The following SHANK2 variants were observed in gnomAD, a reference collection of about 807,000 sequenced individuals.
SHANK2 encodes SH3 and multiple ankyrin repeat domains protein 2.
Under a neutral mutation model 133.7 loss-of-function variants are expected in SHANK2, and 43 were observed. The ratio of observed to expected loss-of-function variants is 0.32; its 90% CI spans 0.25 to 0.41. The LOEUF (loss-of-function observed/expected upper bound fraction) is 0.41, where lower values mean the gene tolerates loss of function less well. Ranked by LOEUF, SHANK2 falls within the 10% of genes least tolerant of loss-of-function variation. The pLI, the probability that SHANK2 is intolerant of heterozygous loss-of-function variation, is 1.00. For synonymous variants in SHANK2, 1,017 were observed against 952.8 expected (o/e 1.07, Z -1.24); for missense variants, 1,994 against 2,235.8 (o/e 0.89, Z 2.18).
At chr11:70,693,410 C>A (rs891759345) in intron 15 of SHANK2, among the ~76,000 whole-genome samples, 1 of 152,184 alleles carries the variant, frequency 6.6e-6, no homozygotes. Context: ...TCTGCACTTG[C>A]TGAACCTTCT....
At chr11:71,153,507 T>C (rs1952842425) in intron 2 of SHANK2, among the ~76,000 whole-genome samples, 1 of 152,202 alleles carries the variant, frequency 6.6e-6, no homozygotes, top group Admixed American at 6.5e-5. Flanking sequence ...CCAGTACCTC[T>C]GATGAAAAGG....
chr11:70,572,107 G>A (rs781805997), intron 17 of SHANK2, among the ~76,000 whole-genome samples: 64 of 152,206 alleles, frequency 4.2e-4, no homozygotes, highest in Admixed American at 2.3e-3. Context: ...GCCAGAATCC[G>A]GCCCTGCCGG....
At chr11:70,656,724 T>C (rs2061410152) in intron 17 of SHANK2, among the ~76,000 whole-genome samples, 1 of 152,166 alleles carries the variant, frequency 6.6e-6, no homozygotes, top group South Asian at 2.1e-4. Context: ...GAACCTTTTA[T>C]TACCACACAG....
chr11:71,079,519 G>A (rs1951264144), intron 8 of SHANK2, among the ~76,000 whole-genome samples: 1 of 152,220 alleles, frequency 6.6e-6, no homozygotes, highest in East Asian at 1.9e-4. Context: ...CCAGCACTTT[G>A]GGAGGCCGAG....
Position 70,767,550 on chromosome 11 carries a change from C to T in SHANK2, c.1777+30893G>A, listed in dbSNP as rs566854039. ...GAAAAGGAGCGACGTACCACCACAA[C>T]GCCACAATGTGGACGAGCCTTGAGA... On this transcript the variant is annotated intron_variant, in intron 14 of 25. Transcript: ENST00000601538. Among the ~76,000 whole-genome samples the T allele has an allele frequency of 1.6e-4, 24 of 152,212 alleles. No individual in the cohort carries two copies. The South Asian group carries it at 4.6e-3, about 29-fold the overall frequency.
intron 2 of SHANK2, among the ~76,000 whole-genome samples, chr11:71,167,792 G>C (rs1476590971): frequency 1.4e-5 from 2 of 144,620 alleles, no homozygotes; most frequent in Non-Finnish European, 3.0e-5. Context: ...GGCCGGGCGG[G>C]GGGCTGATCC....
chr11:70,617,301 G>C (rs1050844750), intron 17 of SHANK2, among the ~76,000 whole-genome samples: 15 of 143,714 alleles, frequency 1.0e-4, no homozygotes, highest in Admixed American at 2.1e-4. Context: ...GTGCCTGAGA[G>C]AGTATGTGTG....
chr11:70,938,657 T>C (rs545173011), intron 10 of SHANK2, among the ~76,000 whole-genome samples: 10 of 152,096 alleles, frequency 6.6e-5, no homozygotes, highest in Non-Finnish European at 1.3e-4. Context: ...GAGGAGATGA[T>C]AAAGAGCCCA....
At chr11:71,208,475 A>G (rs1555118367) in intron 2 of SHANK2, among the ~76,000 whole-genome samples, 1 of 152,098 alleles carries the variant, frequency 6.6e-6, no homozygotes, top group African/African-American at 2.4e-5. Context: ...TCCAGGGGAC[A>G]TTACGTTGCC....
At chr11:70,597,605 G>T (rs909216651) in intron 17 of SHANK2, among the ~76,000 whole-genome samples, 4 of 152,186 alleles carry the variant, frequency 2.6e-5, no homozygotes, top group Non-Finnish European at 5.9e-5. Context: ...GGGTGCAGTG[G>T]CTCACGCCTG....
rs1005759371 is a variant in SHANK2, at chr11:70,862,937, G to A, written c.1174+33564C>T. 2.2e-5 allele frequency: 6 copies of A among 272,300 alleles called. No homozygotes were observed. The East Asian group carries it at 5.6e-4, about 25-fold the overall frequency. 16.9% of individuals were successfully genotyped at this position (272,300 alleles called of 1,614,324 possible). ...CTGAAGTGCCCGTCTTGGGGCTCTT[G>A]GTCTCAGCAGGAGACAAGCCGCCTT... On this transcript the variant is annotated intron_variant, in intron 11 of 25. Coordinates refer to ENST00000601538, the MANE Select transcript of SHANK2 (RefSeq NM_012309.5).
At chr11:70,710,050 C>T (rs1945746699) in intron 14 of SHANK2, among the ~76,000 whole-genome samples, 1 of 152,252 alleles carries the variant, frequency 6.6e-6, no homozygotes, top group Admixed American at 6.5e-5. Flanking sequence ...GGTGGGGCAG[C>T]AGAAGAGGTT....
At chr11:70,916,045 C>A (rs565323085) in intron 10 of SHANK2, among the ~76,000 whole-genome samples, 1 of 152,278 alleles carries the variant, frequency 6.6e-6, no homozygotes, top group South Asian at 2.1e-4. Flanking sequence ...GGGAGCCAGA[C>A]ATGTCTAGGG....
chr11:70,552,753 G>C (rs1248083374), intron 17 of SHANK2, among the ~76,000 whole-genome samples: 1 of 152,126 alleles, frequency 6.6e-6, no homozygotes, highest in Non-Finnish European at 1.5e-5. Context: ...CAGCTGCATC[G>C]GGACGTTTTC....
intron 14 of SHANK2, among the ~76,000 whole-genome samples, chr11:70,738,199 A>T (rs189956720): frequency 5.2e-5 from 8 of 152,402 alleles, no homozygotes; most frequent in South Asian, 2.1e-4. Context: ...CAATGCCACG[A>T]GTTTCAAAAC....
intron 10 of SHANK2, among the ~76,000 whole-genome samples, chr11:70,901,009 C>T (rs556667038): frequency 1.3e-5 from 2 of 152,252 alleles, no homozygotes; most frequent in Admixed American, 1.3e-4. Context: ...AGAGACACAG[C>T]CGAGGCTCAG....
intron 17 of SHANK2, among the ~76,000 whole-genome samples, chr11:70,558,657 C>T (rs1378622756): frequency 6.6e-6 from 1 of 151,490 alleles, no homozygotes; most frequent in African/African-American, 2.4e-5. Flanking sequence ...GCCTGATGCA[C>T]CTTGGGCCCC....
At chr11:70,898,356 T>C (rs1208177067) in intron 10 of SHANK2, among the ~76,000 whole-genome samples, 5 of 151,230 alleles carry the variant, frequency 3.3e-5, no homozygotes, top group African/African-American at 7.3e-5. Context: ...TTAATAAATA[T>C]GGTGTTGGTG....
intron 8 of SHANK2, among the ~76,000 whole-genome samples, chr11:71,076,499 C>CA (rs1350081033): frequency 0.011 from 1,317 of 114,830 alleles, 8 homozygotes; most frequent in Non-Finnish European, 0.014. Context: ...CAAAACAAAA[C>CA]AAAAAAAAAA....
Sources: gnomAD v4.1 joint callset for allele counts (sites outside exome capture counted in the v4.1 genomes callset) on GRCh38, gnomAD v4.1.1 for gene constraint, MANE v1.5 for transcripts, NCBI Gene and HGNC (gene_info 2026-07-23, HGNC 2026-07-21) for gene names.